Variants in CACNA1C observed in about 807,000 individuals in gnomAD.
CACNA1C encodes voltage-dependent L-type calcium channel subunit alpha-1C.
A neutral mutation model predicts 229.0 loss-of-function variants in CACNA1C; 30 were observed. The observed-to-expected ratio is 0.13, with a 90% confidence interval of 0.10 to 0.18. The LOEUF is 0.18. Among genes scored for constraint, CACNA1C ranks in the 10% least tolerant of loss-of-function variants. CACNA1C has a pLI of 1.00. For synonymous variants in CACNA1C, 1,114 were observed against 1,132.5 expected, an observed-to-expected ratio of 0.98 and a Z score of 0.33; for missense variants, 1,658 against 2,845.0, an observed-to-expected ratio of 0.58 and a Z score of 9.49.
chr12:2,219,002 T>C (rs1308233263), intron 3 of CACNA1C, among the ~76,000 whole-genome samples: 2 of 152,168 alleles, frequency 1.3e-5, no homozygotes, highest in African/African-American at 4.8e-5. Flanking sequence ...ATCTGGGATG[T>C]GTATTTGTGT....
chr12:2,620,432 A>G (rs1157285223), intron 29 of CACNA1C, among the ~76,000 whole-genome samples: 1 of 152,198 alleles, frequency 6.6e-6, no homozygotes, highest in Non-Finnish European at 1.5e-5. Context: ...AGTAAATGTT[A>G]GCTGTCTTCC....
chr12:2,586,304 A>C (rs2062427012), intron 18 of CACNA1C, among the ~76,000 whole-genome samples: 1 of 152,196 alleles, frequency 6.6e-6, no homozygotes, highest in Admixed American at 6.5e-5. Context: ...CTCAGGAGGC[A>C]GTGCCGAGTG....
chr12:2,605,297 C>G lies in CACNA1C; in HGVS notation c.3048+129C>G. The G allele has an allele frequency of 3.1e-6, 2 of 654,380 alleles. No individual in the cohort carries two copies. The highest frequency in any genetic ancestry group is 5.5e-6 in the Non-Finnish European group (2 of 363,194). 40.5% of individuals were successfully genotyped at this position (654,380 alleles called of 1,614,324 possible). On this transcript the variant is annotated intron_variant, in intron 23 of 46. Transcript: ENST00000399655. The surrounding 1 kb of genome is among the most constrained non-coding windows in gnomAD (Gnocchi z 6.2). ...TGGCTGCCATGTGGGGTCCCGGACA[C>G]TGGTCCCACTGCATGTCCCGGTTCC... is the stretch of plus-strand genomic sequence containing the variant.
intron 1 of CACNA1C, among the ~76,000 whole-genome samples, chr12:2,001,344 G>T (rs1565886011): frequency 6.6e-6 from 1 of 151,654 alleles, no homozygotes; most frequent in Non-Finnish European, 1.5e-5. Flanking sequence ...CCAGTCCTGG[G>T]GTATTTTAGC....
chr12:2,074,702 C>A lies in CACNA1C; in HGVS notation c.49+21091C>A, dbSNP rs552308187. On this transcript the variant is annotated intron_variant, in intron 1 of 46. Transcript: ENST00000399655. ...TCCGCAGCAAATGGATGAATTAGAC[C>A]CCCCTGCTTCGATAAAATACTTTAG... Among the ~76,000 whole-genome samples the A allele has an allele frequency of 1.4e-4, 22 of 152,204 alleles. 1 individual carries two copies. Among genetic ancestry groups the A allele is most frequent in the Middle Eastern group, 6.8e-3 (2 of 294 alleles).
At chr12:2,262,666 A>T (rs1427276593) in intron 3 of CACNA1C, among the ~76,000 whole-genome samples, 1 of 152,182 alleles carries the variant, frequency 6.6e-6, no homozygotes, top group Admixed American at 6.5e-5. Flanking sequence ...AGCCAGAGGG[A>T]TGCCTTGCAG....
rs146163990 is a variant in CACNA1C at position 2,404,289 on chromosome 12, G to A, written c.478-44687G>A. Among the ~76,000 whole-genome samples, 1,306 of 152,186 alleles carry A rather than the reference G, an allele frequency of 8.6e-3. 17 individuals carry two copies. The highest frequency in any genetic ancestry group is 0.029 in the African/African-American group (1,220 of 41,528). ...CCTTTTCCTCACAGTAACTAAGAGC[G>A]CTCATGGGGGCAGCCTAGCCTGTCT... On this transcript the variant is annotated intron_variant, in intron 3 of 46. Coordinates refer to ENST00000399655, the MANE Select transcript of CACNA1C (RefSeq NM_000719.7).
intron 3 of CACNA1C, among the ~76,000 whole-genome samples, chr12:2,136,040 G>A (rs1596918394): frequency 6.6e-6 from 1 of 150,860 alleles, no homozygotes; most frequent in African/African-American, 2.4e-5. Context: ...TCTGAAAAGC[G>A]CAATATTCGG....
chr12:2,263,693 C>G (rs965311304), intron 3 of CACNA1C, among the ~76,000 whole-genome samples: 2 of 151,626 alleles, frequency 1.3e-5, no homozygotes, highest in Admixed American at 1.3e-4. Context: ...GCTAACAGAC[C>G]GGACATGAGG....
rs149220334 is a variant in CACNA1C, at chr12:2,213,323, G to A, written c.477+92893G>A. Among the ~76,000 whole-genome samples, 6 of 152,180 alleles carry A rather than the reference G, an allele frequency of 3.9e-5. 1 individual carries two copies. Among genetic ancestry groups the A allele is most frequent in the African/African-American group, 1.4e-4 (6 of 41,524 alleles). Reference sequence around the variant, plus strand: ...GCTTTCTCTGGTGCTGCTTGTTGCTGGCCTTCAGATTTTGGCCACCACTAT... The same window carrying A: ...GCTTTCTCTGGTGCTGCTTGTTGCTAGCCTTCAGATTTTGGCCACCACTAT... On this transcript the variant is annotated intron_variant, in intron 3 of 46. Coordinates refer to ENST00000399655, the MANE Select transcript of CACNA1C (RefSeq NM_000719.7).
At chr12:2,022,280 G>A (rs2046594000) in intron 1 of CACNA1C, among the ~76,000 whole-genome samples, 1 of 152,158 alleles carries the variant, frequency 6.6e-6, no homozygotes, top group African/African-American at 2.4e-5. Flanking sequence ...GGCCACCTGA[G>A]TTCAGGGGAA....
intron 1 of CACNA1C, among the ~76,000 whole-genome samples, chr12:2,024,067 A>T (rs1221176331): frequency 6.6e-6 from 1 of 152,092 alleles, no homozygotes; most frequent in African/African-American, 2.4e-5. Context: ...CTCTTTTGGG[A>T]ATTGACAGAT....
chr12:2,550,604 A>G, intron 10 of CACNA1C: 2 of 1,351,626 alleles, frequency 1.5e-6, no homozygotes, highest in South Asian at 2.3e-5. Flanking sequence ...TCACGACTGT[A>G]AACTCACCCT....
At chr12:2,454,897 C>T (rs556410522) in intron 4 of CACNA1C, among the ~76,000 whole-genome samples, 6 of 152,334 alleles carry the variant, frequency 3.9e-5, no homozygotes, top group African/African-American at 1.2e-4. Context: ...CCCACAACCA[C>T]GCGTCTATGC....
rs576430532 is a variant in CACNA1C at position 2,261,432 on chromosome 12, C to T, written c.477+141002C>T. On this transcript the variant is annotated intron_variant, in intron 3 of 46. Coordinates refer to ENST00000399655, the MANE Select transcript of CACNA1C (RefSeq NM_000719.7). The stretch of plus-strand genomic sequence containing the variant: ...TGTCATTCAGTGTGTTATGGTATCA[C>T]ATCATGTAGGCTCTGGGAAACTCTG... 1.6e-3 allele frequency among the ~76,000 whole-genome samples: 242 copies of T among 152,286 alleles called. 1 individual carries two copies. Among genetic ancestry groups the T allele is most frequent in the African/African-American group, 5.5e-3 (229 of 41,568 alleles).
intron 1 of CACNA1C, among the ~76,000 whole-genome samples, chr12:2,028,002 C>T (rs2047611743): frequency 6.6e-6 from 1 of 152,146 alleles, no homozygotes; most frequent in African/African-American, 2.4e-5. Flanking sequence ...TGGTATGATC[C>T]CCTCATGCTT....
At chr12:2,372,629 T>C (rs1644376516) in intron 3 of CACNA1C, among the ~76,000 whole-genome samples, 1 of 152,218 alleles carries the variant, frequency 6.6e-6, no homozygotes. Flanking sequence ...CATTCCCTTT[T>C]TTTTTTTGGC....
At chr12:2,234,206 G>T (rs2066430807) in intron 3 of CACNA1C, among the ~76,000 whole-genome samples, 1 of 152,192 alleles carries the variant, frequency 6.6e-6, no homozygotes, top group African/African-American at 2.4e-5. Flanking sequence ...GAAAAGATGG[G>T]AGTGCTGAAA....
At chr12:2,607,412 T>G in intron 26 of CACNA1C, 2 of 358,630 alleles carry the variant, frequency 5.6e-6, no homozygotes, top group East Asian at 5.1e-5. Context: ...CAGAGATCTC[T>G]GTCATTACCC....
Sources: allele counts gnomAD v4.1 joint callset (sites outside exome capture counted in the v4.1 genomes callset), GRCh38; gene constraint gnomAD v4.1.1; non-coding constraint Gnocchi (gnomAD v3.1); transcripts MANE v1.5; gene names NCBI Gene and HGNC (gene_info 2026-07-23, HGNC 2026-07-21).